ACTA2: variants seen among roughly 807,000 people sequenced by gnomAD.
The protein encoded by ACTA2 is actin, aortic smooth muscle.
ACTA2 carries 12 observed loss-of-function variants against 39.5 expected under a neutral mutation model. The observed-to-expected ratio is 0.30, with a 90% CI of 0.19 to 0.49. The LOEUF (loss-of-function observed/expected upper bound fraction) is 0.49, where lower values mean the gene tolerates loss of function less well. Ranked by LOEUF, ACTA2 falls within the 20% of genes least tolerant of loss-of-function variation. The pLI is 0.99. For synonymous variants in ACTA2, 158 were observed against 180.6 expected (o/e 0.88, Z 1.00); for missense variants, 236 against 498.8 (o/e 0.47, Z 5.02).
chr10:88,955,327 T>C (rs754410384), upstream of ACTA2, among the ~76,000 whole-genome samples: 7 of 152,198 alleles, frequency 4.6e-5, no homozygotes, highest in African/African-American at 1.2e-4. Context: ...TGCCGAAAAA[T>C]TGGGCTGTAG....
chr10:88,957,699 C>A (rs965774848), upstream of ACTA2, among the ~76,000 whole-genome samples: 1 of 152,182 alleles, frequency 6.6e-6, no homozygotes, highest in Non-Finnish European at 1.5e-5. Context: ...GCCATCTCTT[C>A]TTTTAGCACA....
At chr10:88,986,695 GCAGGAAGGAAGTGGTA>G (rs1171650787) in intron 1 of ACTA2, among the ~76,000 whole-genome samples, 14 of 72,196 alleles carry the variant, frequency 1.9e-4, no homozygotes, top group South Asian at 6.2e-4. Flanking sequence ...AGGAAGTAGT[GCAGGAAGGAAGTGGTA>G]CAGGAAGGAA....
rs529376694 is a variant in ACTA2, at chr10:88,939,940, A to G, written c.617-242T>C. Reference sequence around the variant, plus strand: ...TCAGCATGCATTGTCTGGGAAATGCATAACAAGAATAAAATGAGCTAGCTA... The same window carrying G: ...TCAGCATGCATTGTCTGGGAAATGCGTAACAAGAATAAAATGAGCTAGCTA... On this transcript the variant is annotated intron_variant, in intron 6 of 8. Coordinates refer to ENST00000224784, the MANE Select transcript of ACTA2 (RefSeq NM_001613.4). 22 of 546,764 alleles carry G rather than the reference A, an allele frequency of 4.0e-5. No homozygotes were observed. In the Middle Eastern group the frequency reaches 2.0e-3, roughly 49 times the overall value. The allele number at this position is 546,764 out of a possible 1,614,324, so 33.9% of individuals were successfully genotyped here. A position where few individuals can be genotyped will look rare whatever the true frequency, so the allele number is the denominator to read the frequency against.
chr10:88,968,828 T>C (rs932387086), intron 1 of ACTA2, among the ~76,000 whole-genome samples: 2 of 152,182 alleles, frequency 1.3e-5, no homozygotes, highest in Non-Finnish European at 2.9e-5. Context: ...ATTCTGCAGG[T>C]CCCTTATACC....
chr10:88,989,058 T>A (rs564204864), intron 1 of ACTA2, among the ~76,000 whole-genome samples: 107 of 152,376 alleles, frequency 7.0e-4, no homozygotes, highest in African/African-American at 2.3e-3. Context: ...TTCCTGACTC[T>A]GCTATTTATT....
chr10:88,969,999 T>C (rs1408470099), intron 1 of ACTA2, among the ~76,000 whole-genome samples: 2 of 152,062 alleles, frequency 1.3e-5, no homozygotes, highest in African/African-American at 4.8e-5. Context: ...TTGGAAAAAA[T>C]TGCTCATGGC....
chr10:88,935,452 C>G, intron 8 of ACTA2, 86 bp from the exon 9 acceptor site: 1 of 1,486,222 alleles, frequency 6.7e-7, no homozygotes, highest in South Asian at 1.1e-5. Flanking sequence ...GGATGTTCTA[C>G]CATGGCCTAG....
chr10:88,960,523 A>T (rs2090338259), intron 1 of ACTA2, among the ~76,000 whole-genome samples: 1 of 152,186 alleles, frequency 6.6e-6, no homozygotes, highest in South Asian at 2.1e-4. Flanking sequence ...CCATACCAAG[A>T]AGGATACATA....
chr10:88,962,978 A>T (rs1846260409), intron 1 of ACTA2, among the ~76,000 whole-genome samples: 1 of 81,130 alleles, frequency 1.2e-5, no homozygotes, highest in Admixed American at 1.4e-4. Flanking sequence ...TATATATATA[A>T]TATTTTTTTT....
chr10:88,988,443 T>TA (rs796954788), intron 1 of ACTA2, among the ~76,000 whole-genome samples: 1,478 of 142,394 alleles, frequency 0.01, 25 homozygotes, highest in South Asian at 0.034. Flanking sequence ...TTTTGTTTTT[T>TA]ATCTTAACTC....
chr10:88,935,367 C>T lies in ACTA2; in HGVS notation c.991-1G>A, dbSNP rs794728031. ...ATTTGCGCTCCGGAGGGGCAATGAT[C>T]TGTCAGTCAAGATGAAAAAGAATGG... On this transcript the variant is annotated splice_acceptor_variant, in intron 8 of 8. Coordinates refer to ENST00000224784, the MANE Select transcript of ACTA2 (RefSeq NM_001613.4). LOFTEE classifies it high-confidence loss of function. 6.2e-7 allele frequency: 1 copy of T among 1,613,564 alleles called. No homozygotes were observed. The highest frequency in any genetic ancestry group is 8.5e-7 in the Non-Finnish European group (1 of 1,179,722).
At chr10:88,988,428 TTTTGTTTTG>T (rs869026002) in intron 1 of ACTA2, among the ~76,000 whole-genome samples, 185 of 10,272 alleles carry the variant, frequency 0.018, 2 homozygotes, top group Admixed American at 0.017. Flanking sequence ...TTTTTTTTTT[TTTTGTTTTG>T]TTTTTTATCT....
At chr10:88,941,003 C>A in intron 6 of ACTA2, 1 of 550,706 alleles carries the variant, frequency 1.8e-6, no homozygotes, top group Non-Finnish European at 3.4e-6. Flanking sequence ...ACAACACTGA[C>A]TAATGCATAA....
chr10:88,941,102 G>T, intron 6 of ACTA2, 127 bp downstream of exon 6: 1 of 1,147,876 alleles, frequency 8.7e-7, no homozygotes, highest in Non-Finnish European at 1.3e-6. Context: ...TTTGCTCTGT[G>T]CATTAGAGCC....
At chr10:88,975,667 T>G (rs1846546358) in intron 1 of ACTA2, among the ~76,000 whole-genome samples, 1 of 151,974 alleles carries the variant, frequency 6.6e-6, no homozygotes, top group Non-Finnish European at 1.5e-5. Flanking sequence ...TGTTGGTCAA[T>G]GCTGCGCCTC....
intron 1 of ACTA2, among the ~76,000 whole-genome samples, chr10:88,967,074 A>G (rs954658056): frequency 6.6e-6 from 1 of 152,248 alleles, no homozygotes; most frequent in Non-Finnish European, 1.5e-5. Flanking sequence ...CCTAGAAAAG[A>G]AAGTGAACAG....
At chr10:88,937,107 C>A (rs763237616) in intron 8 of ACTA2, among the ~76,000 whole-genome samples, 6 of 146,524 alleles carry the variant, frequency 4.1e-5, no homozygotes, top group Non-Finnish European at 7.6e-5. Flanking sequence ...CCAAGAAACA[C>A]AAACGCTGTT....
chr10:88,962,912 CATATATATATAT>C lies in ACTA2; in HGVS notation c.-23-13971_-23-13960del, dbSNP rs60878394. ...AGAGAGTGAGTGCAGGGGAATGCCC[CATATATATATAT>C]ATATATATATATATATATATATATA... On this transcript the variant is annotated intron_variant, in intron 1 of 4. Transcript: ENST00000415557. Among the ~76,000 whole-genome samples the C allele has an allele frequency of 4.2e-3, 421 of 101,036 alleles. 2 individuals carry two copies. Among genetic ancestry groups the C allele is most frequent in the Non-Finnish European group, 5.6e-3 (277 of 49,800 alleles). 66.3% of individuals were successfully genotyped at this position (101,036 alleles called of 152,430 possible).
chr10:88,935,494 G>A, intron 8 of ACTA2, 128 bp from the exon 9 acceptor site: 1 of 1,038,078 alleles, frequency 9.6e-7, no homozygotes, highest in East Asian at 2.5e-5. Flanking sequence ...AGGCTTGTCT[G>A]TTAGATGCCA....
Sources: allele counts gnomAD v4.1 joint callset (sites outside exome capture counted in the v4.1 genomes callset), GRCh38; gene constraint gnomAD v4.1.1; transcripts MANE v1.5; gene names NCBI Gene and HGNC (gene_info 2026-07-23, HGNC 2026-07-21).